CSMD1: variants seen among roughly 807,000 people sequenced by gnomAD.
CSMD1 encodes CUB and sushi domain-containing protein 1.
In CSMD1, 213 loss-of-function variants were observed where a neutral mutation model predicts 417.5. The ratio of observed to expected loss-of-function variants is 0.51; its 90% CI spans 0.46 to 0.57. The LOEUF (loss-of-function observed/expected upper bound fraction) is 0.57. CSMD1 is among the 20% of genes least tolerant of loss of function. CSMD1 has a pLI of 0.00. For synonymous variants in CSMD1, 2,862 were observed against 1,736.8 expected (o/e 1.65, Z -16.11); for missense variants, 6,923 against 4,529.7 (o/e 1.53, Z -15.17).
intron 7 of CSMD1, among the ~76,000 whole-genome samples, chr8:3,669,114 T>C (rs1798853534): frequency 6.6e-6 from 1 of 151,984 alleles, no homozygotes; most frequent in South Asian, 2.1e-4. Flanking sequence ...TACAGAAAAA[T>C]TAGTTAATTA....
chr8:4,494,357 T>A (rs980102494), intron 2 of CSMD1, among the ~76,000 whole-genome samples: 2 of 152,204 alleles, frequency 1.3e-5, no homozygotes, highest in African/African-American at 2.4e-5. Flanking sequence ...TCAGTGACAT[T>A]TGAGACTTAC....
At chr8:4,005,563 T>C (rs1173951091) in intron 4 of CSMD1, among the ~76,000 whole-genome samples, 4 of 152,222 alleles carry the variant, frequency 2.6e-5, no homozygotes, top group African/African-American at 7.2e-5. Context: ...GAATTGTCTT[T>C]TATTGTGTAA....
intron 10 of CSMD1, among the ~76,000 whole-genome samples, chr8:3,510,345 T>G (rs1003007279): frequency 6.6e-6 from 1 of 151,762 alleles, no homozygotes; most frequent in Non-Finnish European, 1.5e-5. Flanking sequence ...CAGCCGGAGC[T>G]TGGGGGAGGA....
intron 3 of CSMD1, among the ~76,000 whole-genome samples, chr8:4,349,324 C>G (rs150304779): frequency 6.6e-6 from 1 of 152,294 alleles, no homozygotes; most frequent in East Asian, 1.9e-4. Flanking sequence ...AAGACCTCCA[C>G]AGAATTGAGT....
chr8:4,025,128 T>C (rs1250617169), intron 4 of CSMD1, among the ~76,000 whole-genome samples: 1 of 152,206 alleles, frequency 6.6e-6, no homozygotes. Flanking sequence ...CTGCAAGAGA[T>C]GTTGAGACTG....
chr8:4,283,928 A>G (rs1796922566), intron 3 of CSMD1, among the ~76,000 whole-genome samples: 1 of 152,178 alleles, frequency 6.6e-6, no homozygotes. Flanking sequence ...AAATCTGGAC[A>G]CACCATTATT....
At chr8:3,831,157 C>T (rs144482982) in intron 5 of CSMD1, among the ~76,000 whole-genome samples, 80 of 152,230 alleles carry the variant, frequency 5.3e-4, no homozygotes, top group African/African-American at 1.7e-3. Context: ...TCAAAAGAAA[C>T]CCAATTTATC....
chr8:3,426,552 A>G (rs1028892081), intron 12 of CSMD1, among the ~76,000 whole-genome samples: 2 of 152,166 alleles, frequency 1.3e-5, no homozygotes, highest in Admixed American at 1.3e-4. Flanking sequence ...TCTCCTTATT[A>G]AACACCAGGA....
chr8:3,428,115 A>G (rs1813975347), intron 12 of CSMD1, among the ~76,000 whole-genome samples: 1 of 152,238 alleles, frequency 6.6e-6, no homozygotes, highest in African/African-American at 2.4e-5. Flanking sequence ...CTGAAATTTG[A>G]AATTAAATAG....
chr8:3,982,864 A>G (rs913746452), intron 5 of CSMD1, among the ~76,000 whole-genome samples: 5 of 152,250 alleles, frequency 3.3e-5, no homozygotes, highest in Admixed American at 3.3e-4. Flanking sequence ...TACCAAGGAC[A>G]AAGCTAAACC....
intron 3 of CSMD1, among the ~76,000 whole-genome samples, chr8:4,327,344 G>C (rs866192815): frequency 1.3e-5 from 2 of 152,184 alleles, no homozygotes; most frequent in African/African-American, 2.4e-5. Context: ...AATCAGAATA[G>C]GCAGAGAGTT....
At chr8:3,832,875 C>G (rs1173508440) in intron 5 of CSMD1, among the ~76,000 whole-genome samples, 1 of 151,932 alleles carries the variant, frequency 6.6e-6, no homozygotes, top group African/African-American at 2.4e-5. Context: ...TTGGAGAATC[C>G]AAGAAGAAAA....
chr8:4,861,107 A>C (rs930320245), intron 1 of CSMD1, among the ~76,000 whole-genome samples: 1 of 152,136 alleles, frequency 6.6e-6, no homozygotes, highest in Non-Finnish European at 1.5e-5. Context: ...GGGGCCAGAA[A>C]TGTTTCTTGA....
chr8:4,110,666 A>G (rs1409012094), intron 3 of CSMD1, among the ~76,000 whole-genome samples: 1 of 151,888 alleles, frequency 6.6e-6, no homozygotes. Flanking sequence ...GTGTTTCTAT[A>G]AAGTTACCTA....
intron 5 of CSMD1, among the ~76,000 whole-genome samples, chr8:3,835,989 A>G (rs940646534): frequency 5.9e-5 from 9 of 152,106 alleles, no homozygotes; most frequent in Non-Finnish European, 1.2e-4. Context: ...TATTATTTCT[A>G]TAAGATTCTA....
intron 1 of CSMD1, among the ~76,000 whole-genome samples, chr8:4,809,821 T>C (rs1004067587): frequency 7.9e-5 from 12 of 152,228 alleles, no homozygotes; most frequent in African/African-American, 2.4e-4. Flanking sequence ...GTACATATCA[T>C]TGTGGACCAC....
At position 4,931,944 on chromosome 8, in the gene CSMD1, T is replaced by A. The variant is rs371772694; in HGVS notation, c.85+62388A>T. 2.0e-5 allele frequency among the ~76,000 whole-genome samples: 3 copies of A among 152,368 alleles called. No homozygotes were observed. In the South Asian group the frequency reaches 6.2e-4, roughly 32 times the overall value. On this transcript the variant is annotated intron_variant, in intron 1 of 69. Transcript: ENST00000635120. Reference sequence around the variant, plus strand: ...ATTAAGATGCTTATGTAAGAAATTCTTGTGTAACATGTATTAGTTATTAAA... The same window carrying A: ...ATTAAGATGCTTATGTAAGAAATTCATGTGTAACATGTATTAGTTATTAAA...
chr8:3,255,231 G>A (rs368843950), intron 26 of CSMD1, among the ~76,000 whole-genome samples: 1 of 152,080 alleles, frequency 6.6e-6, no homozygotes, highest in African/African-American at 2.4e-5. Flanking sequence ...TCCTCTGGAA[G>A]TTTTTCTCAG....
intron 10 of CSMD1, among the ~76,000 whole-genome samples, chr8:3,528,624 AACTG>A (rs1326109333): frequency 4.6e-5 from 7 of 152,234 alleles, no homozygotes; most frequent in African/African-American, 9.6e-5. Context: ...AATTTATATT[AACTG>A]ACTAATTAAA....
Sources: allele counts gnomAD v4.1 joint callset (sites outside exome capture counted in the v4.1 genomes callset), GRCh38; gene constraint gnomAD v4.1.1; transcripts MANE v1.5; gene names NCBI Gene and HGNC (gene_info 2026-07-23, HGNC 2026-07-21).